Variants in TAB2 observed in about 807,000 individuals in gnomAD.
The protein encoded by TAB2 is TGF-beta-activated kinase 1 and MAP3K7-binding protein 2.
Under a neutral mutation model 65.0 loss-of-function variants are expected in TAB2, and 3 were observed. That is an observed-to-expected ratio of 0.05 (90% CI 0.02 to 0.12). The LOEUF (loss-of-function observed/expected upper bound fraction) is 0.12. Ranked by LOEUF, TAB2 falls within the 10% of genes least tolerant of loss-of-function variation. The probability of loss-of-function intolerance (pLI) is 1.00; values close to 1 mark genes in which losing one functional copy is unlikely to be tolerated. For missense variants in TAB2, 623 were observed against 840.3 expected, an observed-to-expected ratio of 0.74 and a Z score of 3.20; for synonymous variants, 298 against 285.1, an observed-to-expected ratio of 1.05 and a Z score of -0.46.
upstream of TAB2, chr6:149,317,515 G>T: frequency 6.4e-6 from 1 of 156,772 alleles, no homozygotes; most frequent in Non-Finnish European, 1.4e-5. This position sits in a 1 kb window ranked among gnomAD's most constrained non-coding sequence, Gnocchi z 4.7. Context: ...ATCTCGCGGT[G>T]TTTGCCGGCC....
chr6:149,381,690 T>G (rs542493452), intron 3 of TAB2, among the ~76,000 whole-genome samples: 1 of 151,388 alleles, frequency 6.6e-6, no homozygotes, highest in Non-Finnish European at 1.5e-5. Flanking sequence ...CCTCCCACTT[T>G]AGCCTCCCTA....
chr6:149,339,383 AAG>A (rs1031404243), intron 1 of TAB2, among the ~76,000 whole-genome samples: 3 of 147,512 alleles, frequency 2.0e-5, no homozygotes, highest in African/African-American at 7.3e-5. Context: ...AAATGAAAAA[AAG>A]AAAAAAAATC....
intron 1 of TAB2, among the ~76,000 whole-genome samples, chr6:149,289,508 G>T (rs756535814): frequency 1.3e-5 from 2 of 152,132 alleles, no homozygotes; most frequent in East Asian, 1.9e-4. Context: ...GCCTCTAAAA[G>T]CTCAACAGGT....
intron 1 of TAB2, among the ~76,000 whole-genome samples, chr6:149,300,801 A>G (rs1323582966): frequency 1.3e-5 from 2 of 152,162 alleles, no homozygotes; most frequent in African/African-American, 4.8e-5. Flanking sequence ...GGGTGAAAGG[A>G]GTCCATACCA....
chr6:149,305,413 C>T (rs1779047096), intron 1 of TAB2, among the ~76,000 whole-genome samples: 1 of 152,122 alleles, frequency 6.6e-6, no homozygotes, highest in South Asian at 2.1e-4. Flanking sequence ...GAATACGTTT[C>T]CTTTTTCAAA....
At chr6:149,303,228 T>C (rs1210147537) in intron 1 of TAB2, among the ~76,000 whole-genome samples, 3 of 152,226 alleles carry the variant, frequency 2.0e-5, no homozygotes, top group Non-Finnish European at 2.9e-5. Context: ...ATAATAGAAA[T>C]AAATGTAATG....
chr6:149,377,967 A>G lies in TAB2; in HGVS notation c.103-51A>G, dbSNP rs1315641658. On this transcript the variant is annotated intron_variant, in intron 2 of 6. Coordinates refer to ENST00000637181, the MANE Select transcript of TAB2 (RefSeq NM_001292034.3). ...CATGTATTTGTAGAGATGCAAATAT[A>G]AGCATTCGCTTCTGATTGTTAACAT... is the stretch of plus-strand genomic sequence containing the variant. The G allele has an allele frequency of 2.9e-6, 4 of 1,402,830 alleles. No individual in the cohort carries two copies. The East Asian group carries it at 6.9e-5, about 24-fold the overall frequency. The allele number at this position is 1,402,830 out of a possible 1,614,324, so 86.9% of individuals were successfully genotyped here. A position where few individuals can be genotyped will look rare whatever the true frequency, so the allele number is the denominator to read the frequency against.
At chr6:149,298,696 T>C (rs1778921164) in intron 1 of TAB2, among the ~76,000 whole-genome samples, 1 of 149,338 alleles carries the variant, frequency 6.7e-6, no homozygotes, top group Non-Finnish European at 1.5e-5. Flanking sequence ...TTCTCATTTA[T>C]AAATTGGAGA....
intron 1 of TAB2, among the ~76,000 whole-genome samples, chr6:149,281,958 A>T (rs1778583544): frequency 6.6e-6 from 1 of 152,192 alleles, no homozygotes; most frequent in South Asian, 2.1e-4. Flanking sequence ...AATATGATCA[A>T]TTACATTTAT....
rs145411759 is a variant in TAB2, at chr6:149,238,188, C to T, written c.-121+19412C>T. 3.4e-3 allele frequency among the ~76,000 whole-genome samples: 521 copies of T among 152,262 alleles called. 6 individuals are homozygous for T. The highest frequency in any genetic ancestry group is 0.012 in the African/African-American group (503 of 41,550). On this transcript the variant is annotated intron_variant, in intron 1 of 1. Coordinates refer to the TAB2 transcript ENST00000606202. ...CCAGCACGGTGCCTGGCCCAGTCTG[C>T]GTGTCCAGTGAAATAACAAAAATGT...
chr6:149,364,515 A>G (rs988867361), intron 1 of TAB2, among the ~76,000 whole-genome samples: 1 of 152,038 alleles, frequency 6.6e-6, no homozygotes, highest in Non-Finnish European at 1.5e-5. Flanking sequence ...AAGTTAAAAT[A>G]GTTATCTAAA....
intron 1 of TAB2, among the ~76,000 whole-genome samples, chr6:149,239,167 G>A (rs947181275): frequency 7.2e-5 from 11 of 152,330 alleles, no homozygotes; most frequent in Admixed American, 6.5e-4. Context: ...CACAGGCAGA[G>A]CATTTGTGCT....
At chr6:149,267,911 G>A (rs994645507) in intron 1 of TAB2, among the ~76,000 whole-genome samples, 12 of 152,116 alleles carry the variant, frequency 7.9e-5, no homozygotes, top group Admixed American at 3.9e-4. Context: ...TGTCGTATAC[G>A]CAGTCTATTG....
intron 1 of TAB2, among the ~76,000 whole-genome samples, chr6:149,287,220 A>C (rs1454134307): frequency 1.3e-5 from 2 of 152,236 alleles, no homozygotes; most frequent in Non-Finnish European, 2.9e-5. Flanking sequence ...CAATATATTG[A>C]CATGAGTCAA....
chr6:149,236,296 C>T (rs963216326), intron 1 of TAB2, among the ~76,000 whole-genome samples: 1 of 152,200 alleles, frequency 6.6e-6, no homozygotes, highest in Non-Finnish European at 1.5e-5. Flanking sequence ...TTGAGGTATT[C>T]AAGCGTAAGT....
chr6:149,293,740 T>G (rs1778824627), intron 1 of TAB2, among the ~76,000 whole-genome samples: 1 of 152,254 alleles, frequency 6.6e-6, no homozygotes. Context: ...ATTTATGATA[T>G]CTTCCAAAAT....
intron 1 of TAB2, chr6:149,321,360 C>T (rs1052704560): frequency 2.0e-5 from 3 of 152,070 alleles, no homozygotes; most frequent in Non-Finnish European, 4.4e-5. Flanking sequence ...AAATCAAGGA[C>T]GCTGCTTACT....
chr6:149,289,103 C>T (rs969139541), intron 1 of TAB2, among the ~76,000 whole-genome samples: 3 of 152,024 alleles, frequency 2.0e-5, no homozygotes, highest in Non-Finnish European at 4.4e-5. Context: ...AAGTGATCCA[C>T]CCGCCTCAGC....
chr6:149,351,669 A>G (rs505765), intron 1 of TAB2, among the ~76,000 whole-genome samples: 132,595 of 152,196 alleles, frequency 0.87, 57,831 homozygotes, highest in Middle Eastern at 0.97. Flanking sequence ...GAGGCACAGA[A>G]AAATTAAATG....
Sources: gnomAD v4.1 joint callset for allele counts (sites outside exome capture counted in the v4.1 genomes callset) on GRCh38, gnomAD v4.1.1 for gene constraint, Gnocchi (gnomAD v3.1) non-coding constraint, MANE v1.5 for transcripts, NCBI Gene and HGNC (gene_info 2026-07-23, HGNC 2026-07-21) for gene names.